The following BBS9 variants were observed in gnomAD, a reference collection of about 807,000 sequenced individuals.
BBS9 encodes Bardet-Biedl syndrome 9, also known as protein PTHB1.
A neutral mutation model predicts 117.7 loss-of-function variants in BBS9; 89 were observed. The observed-to-expected ratio is 0.76, with a 90% CI of 0.64 to 0.90. The LOEUF (loss-of-function observed/expected upper bound fraction) is 0.90. Ranked by LOEUF, BBS9 falls within the 40% of genes least tolerant of loss-of-function variation. BBS9 has a pLI of 0.00. For synonymous variants in BBS9, 379 were observed against 370.9 expected (o/e 1.02, Z -0.25); for missense variants, 982 against 1,042.2 (o/e 0.94, Z 0.80).
chr7:33,320,291 A>C lies in BBS9; in HGVS notation c.1017-16150A>C, dbSNP rs574980229. Among the ~76,000 whole-genome samples the C allele has an allele frequency of 1.3e-4, 20 of 152,180 alleles. No homozygotes were observed. In the South Asian group the frequency reaches 3.1e-3, roughly 24 times the overall value. ...CATTGTTCTACTCTTTATCTTCATG[A>C]ATTCAATCGTTTTAATTTTTAGCAC... On this transcript the variant is annotated intron_variant, in intron 9 of 22. Transcript: ENST00000242067.
At chr7:33,315,492 A>G (rs1005754161) in intron 9 of BBS9, among the ~76,000 whole-genome samples, 2 of 152,208 alleles carry the variant, frequency 1.3e-5, no homozygotes, top group African/African-American at 4.8e-5. Flanking sequence ...GAGGAATAAA[A>G]TGATTCCTCC....
At chr7:33,353,902 C>T (rs1819153733) in intron 15 of BBS9, among the ~76,000 whole-genome samples, 1 of 151,750 alleles carries the variant, frequency 6.6e-6, no homozygotes, top group South Asian at 2.1e-4. Flanking sequence ...TAAAAAATAA[C>T]CTGATATTAA....
At position 33,551,784 on chromosome 7, in the gene BBS9, C is replaced by T. The variant is rs376770259; in HGVS notation, c.2521+17608C>T. 5.9e-5 allele frequency among the ~76,000 whole-genome samples: 9 copies of T among 152,284 alleles called. No individual in the cohort carries two copies. In the South Asian group the frequency reaches 1.2e-3, roughly 21 times the overall value. On this transcript the variant is annotated intron_variant, in intron 21 of 22. Coordinates refer to ENST00000242067, the MANE Select transcript of BBS9 (RefSeq NM_198428.3). ...TCAAGACAAGGAGAAAGAATGCCAGCTGTTGACCATTTGTGCCACATCTTT... is the reference window on the plus strand; with the variant it reads ...TCAAGACAAGGAGAAAGAATGCCAGTTGTTGACCATTTGTGCCACATCTTT...
intron 9 of BBS9, among the ~76,000 whole-genome samples, chr7:33,304,112 C>T (rs2128529003): frequency 6.7e-6 from 1 of 148,914 alleles, no homozygotes; most frequent in African/African-American, 2.5e-5. Context: ...AGTGCCTCTG[C>T]CTGGCCACCC....
At chr7:33,606,871 T>C (rs1864601718), downstream of BBS9, among the ~76,000 whole-genome samples, 1 of 152,122 alleles carries the variant, frequency 6.6e-6, no homozygotes, top group Non-Finnish European at 1.5e-5. Context: ...GTCTTTTTAT[T>C]TTGCTTCAAC....
chr7:33,590,698 C>T (rs923607072), intron 21 of BBS9, among the ~76,000 whole-genome samples: 6 of 151,726 alleles, frequency 4.0e-5, no homozygotes, highest in African/African-American at 1.5e-4. Flanking sequence ...TATTATAACA[C>T]TTGTGTATCA....
At position 33,404,653 on chromosome 7, in the gene BBS9, G is replaced by A. The variant is rs879358206; in HGVS notation, c.2115+16509G>A. ...TGATTTGGCTCTCTGTTTGTCTGTT[G>A]TTGGTGTATAAGAATGCTTGTGATT... On this transcript the variant is annotated intron_variant, in intron 19 of 22. Coordinates refer to ENST00000242067, the MANE Select transcript of BBS9 (RefSeq NM_198428.3). Among the ~76,000 whole-genome samples, 1,341 of 148,922 alleles carry A rather than the reference G, an allele frequency of 9.0e-3. 7 individuals carry two copies. Among genetic ancestry groups the A allele is most frequent in the Non-Finnish European group, 0.016 (1,065 of 66,642 alleles).
chr7:33,405,050 A>C (rs1584686780), intron 19 of BBS9, among the ~76,000 whole-genome samples: 1 of 152,162 alleles, frequency 6.6e-6, no homozygotes, highest in African/African-American at 2.4e-5. Flanking sequence ...AGTTTTTAGC[A>C]TGAAGTGTTG....
chr7:33,274,061 T>C, intron 9 of BBS9, 105 bp downstream of exon 9: 1 of 1,290,164 alleles, frequency 7.8e-7, no homozygotes. Flanking sequence ...AAATTACAGG[T>C]GACATTGTAG....
At chr7:33,419,074 T>C (rs1003719214) in intron 19 of BBS9, among the ~76,000 whole-genome samples, 1 of 148,132 alleles carries the variant, frequency 6.8e-6, no homozygotes. Context: ...TTAAAATTGC[T>C]TTTTTTTTTC....
chr7:33,253,814 G>C (rs1310125907), intron 5 of BBS9, among the ~76,000 whole-genome samples: 1 of 152,136 alleles, frequency 6.6e-6, no homozygotes, highest in Non-Finnish European at 1.5e-5. Context: ...TCTGCAAGTT[G>C]TATGTATAAC....
intron 21 of BBS9, among the ~76,000 whole-genome samples, chr7:33,563,363 C>G (rs529426334): frequency 9.3e-4 from 132 of 142,162 alleles, no homozygotes; most frequent in African/African-American, 3.7e-3. Context: ...TTTTGTTTCA[C>G]AAACAACTAT....
intron 2 of BBS9, 27 bp from the exon 3 acceptor site, chr7:33,152,674 A>ATCT: frequency 6.4e-7 from 1 of 1,566,400 alleles, no homozygotes; most frequent in Non-Finnish European, 8.7e-7. Flanking sequence ...TTCTCCCTCT[A>ATCT]TCTTTTTTTT....
chr7:33,139,621 C>T (rs1320539492), intron 1 of BBS9, among the ~76,000 whole-genome samples: 1 of 151,204 alleles, frequency 6.6e-6, no homozygotes, highest in East Asian at 2.2e-4. Flanking sequence ...ACAGAAAAAT[C>T]TCTTCTCTTT....
chr7:33,531,754 G>A (rs1850611436), intron 20 of BBS9, among the ~76,000 whole-genome samples: 1 of 152,170 alleles, frequency 6.6e-6, no homozygotes, highest in Non-Finnish European at 1.5e-5. Flanking sequence ...GGCTCAGTGC[G>A]GGAATAGTTT....
At chr7:33,397,648 C>T (rs1252923301) in intron 19 of BBS9, among the ~76,000 whole-genome samples, 6 of 152,022 alleles carry the variant, frequency 3.9e-5, no homozygotes, top group African/African-American at 7.2e-5. Context: ...TAAAAAGGAA[C>T]GAGATCATGC....
intron 19 of BBS9, among the ~76,000 whole-genome samples, chr7:33,484,100 T>C (rs765409090): frequency 7.2e-5 from 11 of 152,252 alleles, no homozygotes; most frequent in Non-Finnish European, 1.2e-4. Flanking sequence ...GAGACCTAAA[T>C]ACTTGTTAAT....
intron 19 of BBS9, among the ~76,000 whole-genome samples, chr7:33,407,590 G>GA (rs1441683716): frequency 6.8e-6 from 1 of 147,804 alleles, no homozygotes; most frequent in African/African-American, 2.4e-5. Flanking sequence ...CTTTGATGAT[G>GA]GTGATGTACA....
intron 17 of BBS9, among the ~76,000 whole-genome samples, chr7:33,368,915 A>G (rs1398705978): frequency 2.0e-5 from 3 of 152,162 alleles, no homozygotes; most frequent in Non-Finnish European, 2.9e-5. Context: ...AGACTCAATA[A>G]TAGGTCACAG....
Sources: gnomAD v4.1 joint callset for allele counts (sites outside exome capture counted in the v4.1 genomes callset) on GRCh38, gnomAD v4.1.1 for gene constraint, MANE v1.5 for transcripts, NCBI Gene and HGNC (gene_info 2026-07-23, HGNC 2026-07-21) for gene names.